The following PTPRG variants were observed in gnomAD, a reference collection of about 807,000 sequenced individuals.
The protein encoded by PTPRG is receptor-type tyrosine-protein phosphatase gamma.
Under a neutral mutation model 165.3 loss-of-function variants are expected in PTPRG, and 102 were observed. The ratio of observed to expected loss-of-function variants is 0.62; its 90% CI spans 0.53 to 0.73. The LOEUF (loss-of-function observed/expected upper bound fraction) is 0.73. Among genes scored for constraint, PTPRG ranks in the 30% least tolerant of loss-of-function variants. The probability of loss-of-function intolerance (pLI) is 0.00; values close to 1 mark genes in which losing one functional copy is unlikely to be tolerated. For synonymous variants in PTPRG, 675 were observed against 669.5 expected (o/e 1.01, Z -0.13); for missense variants, 1,866 against 1,861.4 (o/e 1.00, Z -0.05).
In PTPRG at chr3:62,169,171, G is replaced by T. The variant is rs1014873629; in HGVS notation, c.1033+1008G>T. Among the ~76,000 whole-genome samples the T allele has an allele frequency of 7.2e-5, 11 of 152,090 alleles. No homozygotes were observed. In the East Asian group the frequency reaches 1.2e-3, roughly 16 times the overall value. On this transcript the variant is annotated intron_variant, in intron 8 of 29. Transcript: ENST00000474889. ...AACTTTTGGTCATGAAAACAGGAAT[G>T]TCTGTTTTCACTTAGGGCCCAAGGG...
chr3:61,632,974 A>T (rs1382290322), intron 1 of PTPRG, among the ~76,000 whole-genome samples: 1 of 152,044 alleles, frequency 6.6e-6, no homozygotes, highest in Non-Finnish European at 1.5e-5. Flanking sequence ...ACTTTTTTCC[A>T]CCCCAGGGTT....
intron 28 of PTPRG, among the ~76,000 whole-genome samples, chr3:62,285,434 T>C (rs181494807): frequency 2.0e-5 from 3 of 149,232 alleles, no homozygotes; most frequent in East Asian, 2.0e-4. Context: ...AGGCAGAGAG[T>C]TGAACTTTTA....
intron 1 of PTPRG, among the ~76,000 whole-genome samples, chr3:61,679,697 CT>C (rs1703360981): frequency 6.6e-6 from 1 of 152,126 alleles, no homozygotes; most frequent in African/African-American, 2.4e-5. Context: ...ACGAGAATTA[CT>C]TGAACCCGGG....
intron 7 of PTPRG, among the ~76,000 whole-genome samples, chr3:62,163,433 G>A (rs1286616197): frequency 6.6e-6 from 1 of 152,142 alleles, no homozygotes; most frequent in East Asian, 1.9e-4. Flanking sequence ...GCAAATATTG[G>A]CTGCTAGTGT....
chr3:61,867,383 G>A (rs568211959), intron 2 of PTPRG, among the ~76,000 whole-genome samples: 130 of 152,282 alleles, frequency 8.5e-4, no homozygotes, highest in African/African-American at 3.0e-3. Flanking sequence ...ACTGGTTAGT[G>A]TAAGAGGCTA....
rs1310530168 is a variant in PTPRG, at chr3:62,213,782, T to C, written c.2156-5069T>C. Among the ~76,000 whole-genome samples the C allele has an allele frequency of 6.6e-6, 1 of 152,170 alleles. No homozygotes were observed. Among genetic ancestry groups the C allele is most frequent in the Admixed American group, 6.5e-5 (1 of 15,276 alleles). ...CGGTGTCTGAGGGCATATAATGATA[T>C]GGGTGTATACTCAGGGCCACATTTT... On this transcript the variant is annotated intron_variant, in intron 12 of 29. Transcript: ENST00000474889. This position sits in a 1 kb window ranked among gnomAD's most constrained non-coding sequence, Gnocchi z 4.4.
chr3:61,987,839 C>G (rs557147061), intron 2 of PTPRG, among the ~76,000 whole-genome samples: 4 of 152,036 alleles, frequency 2.6e-5, no homozygotes, highest in African/African-American at 7.2e-5. Flanking sequence ...ACGTCTCGTT[C>G]GTCTCCTTTT....
At chr3:62,073,057 G>A (rs1473570506) in intron 4 of PTPRG, among the ~76,000 whole-genome samples, 3 of 151,422 alleles carry the variant, frequency 2.0e-5, no homozygotes, top group Non-Finnish European at 4.4e-5. Context: ...GACAATCTGA[G>A]CATCAAAATA....
chr3:61,857,872 G>A (rs2037156854), intron 2 of PTPRG, among the ~76,000 whole-genome samples: 1 of 151,988 alleles, frequency 6.6e-6, no homozygotes, highest in Non-Finnish European at 1.5e-5. Context: ...TGGACATTGG[G>A]GATAGCTAAT....
rs978853344 is a variant in PTPRG at position 62,051,021 on chromosome 3, A to G, written c.520-27142A>G. Among the ~76,000 whole-genome samples, 4 of 152,356 alleles carry G rather than the reference A, an allele frequency of 2.6e-5. No homozygotes were observed. The South Asian group carries it at 6.2e-4, about 24-fold the overall frequency. ...AGGGAAGGAAAAGAATTGTTATCCAAAGGAAATCAGAAGTTGGTTACTAAG... is the reference window on the plus strand; with the variant it reads ...AGGGAAGGAAAAGAATTGTTATCCAGAGGAAATCAGAAGTTGGTTACTAAG... On this transcript the variant is annotated intron_variant, in intron 4 of 29. Transcript: ENST00000474889.
chr3:61,659,749 A>G (rs948593041), intron 1 of PTPRG, among the ~76,000 whole-genome samples: 2 of 152,198 alleles, frequency 1.3e-5, no homozygotes, highest in Admixed American at 1.3e-4. Context: ...ATTGATTATT[A>G]CTTTTCATAA....
chr3:61,837,014 G>A (rs2036487528), intron 2 of PTPRG, among the ~76,000 whole-genome samples: 2 of 152,068 alleles, frequency 1.3e-5, no homozygotes, highest in African/African-American at 4.8e-5. Flanking sequence ...GGGTTAAAGC[G>A]ATTCTCCTGT....
At chr3:61,712,863 A>T (rs1026058566) in intron 1 of PTPRG, among the ~76,000 whole-genome samples, 4 of 152,216 alleles carry the variant, frequency 2.6e-5, no homozygotes, top group Non-Finnish European at 5.9e-5. Flanking sequence ...CAGCTTCTGC[A>T]TATGACATTG....
intron 2 of PTPRG, among the ~76,000 whole-genome samples, chr3:61,971,664 T>G (rs769275877): frequency 1.3e-5 from 2 of 152,252 alleles, no homozygotes; most frequent in Non-Finnish European, 2.9e-5. Flanking sequence ...CACATAGGTA[T>G]ACTTCCAGTT....
At chr3:61,632,318 TACAC>T (rs3032571) in intron 1 of PTPRG, among the ~76,000 whole-genome samples, 14,571 of 147,586 alleles carry the variant, frequency 0.099, 782 homozygotes, top group Middle Eastern at 0.12. Context: ...CACACGCACA[TACAC>T]ACACACACAC....
intron 2 of PTPRG, among the ~76,000 whole-genome samples, chr3:61,818,824 A>AAGTGAAAT (rs143474837): frequency 6.7e-6 from 1 of 149,948 alleles, no homozygotes; most frequent in Non-Finnish European, 1.5e-5. Flanking sequence ...GGGCCCTTTA[A>AAGTGAAAT]AGTGAAATAG....
intron 14 of PTPRG, among the ~76,000 whole-genome samples, chr3:62,231,843 G>A (rs1410249811): frequency 6.6e-6 from 1 of 151,662 alleles, no homozygotes; most frequent in Non-Finnish European, 1.5e-5. Flanking sequence ...TTAAAAAAAG[G>A]AAATGCATAT....
At chr3:62,109,710 C>T (rs1702599140) in intron 5 of PTPRG, among the ~76,000 whole-genome samples, 1 of 152,160 alleles carries the variant, frequency 6.6e-6, no homozygotes, top group South Asian at 2.1e-4. Flanking sequence ...AGCTGATCAG[C>T]AAGAGGGAGG....
intron 2 of PTPRG, among the ~76,000 whole-genome samples, chr3:61,851,641 CA>C (rs2036967272): frequency 1.3e-5 from 2 of 152,124 alleles, no homozygotes; most frequent in Non-Finnish European, 2.9e-5. Context: ...GGGTGAAGTA[CA>C]CTTAACATTT....
Sources: allele counts gnomAD v4.1 joint callset (sites outside exome capture counted in the v4.1 genomes callset), GRCh38; gene constraint gnomAD v4.1.1; non-coding constraint Gnocchi (gnomAD v3.1); transcripts MANE v1.5; gene names NCBI Gene and HGNC (gene_info 2026-07-23, HGNC 2026-07-21).